Variants in NOX4 observed in about 807,000 individuals in gnomAD.
NOX4 encodes the protein kidney oxidase-1.
NOX4 carries 69 observed loss-of-function variants against 87.6 expected under a neutral mutation model. The observed-to-expected ratio is 0.79, with a 90% CI of 0.65 to 0.96. The LOEUF is 0.96. Ranked by LOEUF, NOX4 falls within the 40% of genes least tolerant of loss-of-function variation. NOX4 has a pLI of 0.00. For missense variants in NOX4, 680 were observed against 681.5 expected, an observed-to-expected ratio of 1.00 and a Z score of 0.02; for synonymous variants, 275 against 238.2, an observed-to-expected ratio of 1.15 and a Z score of -1.42.
At chr11:89,423,753 AAT>A (rs146870519) in intron 7 of NOX4, among the ~76,000 whole-genome samples, 1 of 151,214 alleles carries the variant, frequency 6.6e-6, no homozygotes, top group African/African-American at 2.4e-5. Context: ...ACTCCTTAAA[AAT>A]ATATATATAT....
At chr11:89,348,628 G>T (rs1387313251) in intron 13 of NOX4, among the ~76,000 whole-genome samples, 1 of 151,906 alleles carries the variant, frequency 6.6e-6, no homozygotes, top group African/African-American at 2.4e-5. Flanking sequence ...GAAGACAAAG[G>T]GTATTCTAGG....
At chr11:89,472,657 G>A (rs1188752603) in intron 2 of NOX4, among the ~76,000 whole-genome samples, 1 of 152,126 alleles carries the variant, frequency 6.6e-6, no homozygotes, top group Non-Finnish European at 1.5e-5. Context: ...AGAGAAGAAA[G>A]CAGTATTATA....
intron 7 of NOX4, among the ~76,000 whole-genome samples, chr11:89,429,882 C>G (rs1304798747): frequency 1.3e-5 from 2 of 152,126 alleles, no homozygotes; most frequent in African/African-American, 4.8e-5. Context: ...AATACCAAAG[C>G]CTGGCAGAGA....
At chr11:89,383,294 T>C (rs1940435742) in intron 11 of NOX4, among the ~76,000 whole-genome samples, 1 of 152,220 alleles carries the variant, frequency 6.6e-6, no homozygotes, top group Non-Finnish European at 1.5e-5. Context: ...AAGGAATGCC[T>C]GCAGCCCAGG....
intron 8 of NOX4, among the ~76,000 whole-genome samples, chr11:89,406,521 T>A (rs1565249302): frequency 1.3e-5 from 2 of 152,136 alleles, no homozygotes; most frequent in Admixed American, 1.3e-4. Context: ...CATTTAGACA[T>A]ATTATTTTAT....
the NOX4 span, among the ~76,000 whole-genome samples, chr11:89,569,385 A>C: frequency 6.6e-6 from 1 of 152,344 alleles, no homozygotes; most frequent in South Asian, 2.1e-4. Flanking sequence ...CCTATTAAAA[A>C]AATGGGCAAA....
chr11:89,444,558 T>A (rs1944605364), intron 4 of NOX4, among the ~76,000 whole-genome samples: 1 of 150,556 alleles, frequency 6.6e-6, no homozygotes, highest in East Asian at 2.0e-4. Context: ...CACATAAATA[T>A]GCATCTAATG....
chr11:89,354,116 G>A (rs181842896), intron 13 of NOX4, among the ~76,000 whole-genome samples: 28 of 152,246 alleles, frequency 1.8e-4, no homozygotes, highest in African/African-American at 6.5e-4. Context: ...CTCTCAAAGC[G>A]ATGAAAGAAT....
the NOX4 span, among the ~76,000 whole-genome samples, chr11:89,543,716 A>G: frequency 6.6e-6 from 1 of 152,132 alleles, no homozygotes; most frequent in South Asian, 2.1e-4. Flanking sequence ...AAAACCAGCA[A>G]AAGTATGAGG....
the NOX4 span, among the ~76,000 whole-genome samples, chr11:89,523,816 T>A: frequency 6.6e-6 from 1 of 152,252 alleles, no homozygotes; most frequent in East Asian, 1.9e-4. Context: ...TACTAGTACA[T>A]TCAGCAGCAT....
At chr11:89,567,115 G>T in the NOX4 span, among the ~76,000 whole-genome samples, 1 of 152,142 alleles carries the variant, frequency 6.6e-6, no homozygotes, top group Non-Finnish European at 1.5e-5. Context: ...TCTGGTCCAT[G>T]GGACGGGGCC....
chr11:89,359,519 A>T (rs1280480759), intron 12 of NOX4, among the ~76,000 whole-genome samples: 1 of 151,724 alleles, frequency 6.6e-6, no homozygotes, highest in South Asian at 2.1e-4. Flanking sequence ...TCTTACCACT[A>T]CAAAAAAAAG....
chr11:89,366,137 T>C (rs550724857), intron 12 of NOX4, among the ~76,000 whole-genome samples: 1 of 152,234 alleles, frequency 6.6e-6, no homozygotes, highest in South Asian at 2.1e-4. Flanking sequence ...ATTCAGTACA[T>C]TATGTGGTGT....
chr11:89,512,227 C>A, the NOX4 span, among the ~76,000 whole-genome samples: 7 of 151,974 alleles, frequency 4.6e-5, no homozygotes, highest in African/African-American at 1.7e-4. Context: ...ATAGACATAT[C>A]CATCATTGCC....
chr11:89,464,621 T>C (rs1945600476), intron 2 of NOX4, among the ~76,000 whole-genome samples: 1 of 152,168 alleles, frequency 6.6e-6, no homozygotes, highest in Non-Finnish European at 1.5e-5. Flanking sequence ...GTCCATTCTA[T>C]GTGAATGATT....
intron 8 of NOX4, among the ~76,000 whole-genome samples, chr11:89,415,999 A>G (rs1279221621): frequency 6.6e-6 from 1 of 152,132 alleles, no homozygotes; most frequent in Non-Finnish European, 1.5e-5. Flanking sequence ...CAGAGCCCCT[A>G]TTCAAGGTAA....
the NOX4 span, among the ~76,000 whole-genome samples, chr11:89,526,576 T>G: frequency 6.6e-6 from 1 of 152,304 alleles, no homozygotes; most frequent in South Asian, 2.1e-4. Context: ...CTGGAGGTAA[T>G]TGAATCATAG....
the NOX4 span, among the ~76,000 whole-genome samples, chr11:89,531,398 C>T: frequency 6.6e-5 from 10 of 152,128 alleles, no homozygotes; most frequent in Non-Finnish European, 1.3e-4. Flanking sequence ...CATTAAGACA[C>T]ACAGAAGCTT....
At chr11:89,584,179 T>C in the NOX4 span, among the ~76,000 whole-genome samples, 1 of 152,166 alleles carries the variant, frequency 6.6e-6, no homozygotes, top group Non-Finnish European at 1.5e-5. Flanking sequence ...TTCATTTCTC[T>C]TATTACTTTG....
Sources: gnomAD v4.1 joint callset for allele counts (sites outside exome capture counted in the v4.1 genomes callset) on GRCh38, gnomAD v4.1.1 for gene constraint, MANE v1.5 for transcripts, NCBI Gene and HGNC (gene_info 2026-07-23, HGNC 2026-07-21) for gene names.